Variants in RIC1 observed in about 807,000 individuals in gnomAD.
RIC1 encodes the protein RIC1 partner of RAB6A GEF complex.
A neutral mutation model predicts 169.0 loss-of-function variants in RIC1; 88 were observed. That is an observed-to-expected ratio of 0.52 (90% confidence interval 0.44 to 0.62). RIC1 has a LOEUF of 0.62. RIC1 is among the 20% of genes least tolerant of loss of function. The pLI, the probability that RIC1 is intolerant of heterozygous loss-of-function variation, is 0.00. For synonymous variants in RIC1, 790 were observed against 601.5 expected (o/e 1.31, Z -4.59); for missense variants, 1,877 against 1,725.5 (o/e 1.09, Z -1.56).
chr9:5,638,485 C>T (rs1368511542), intron 1 of RIC1, among the ~76,000 whole-genome samples: 2 of 152,130 alleles, frequency 1.3e-5, no homozygotes, highest in Non-Finnish European at 2.9e-5. Flanking sequence ...CTTTTCTTTA[C>T]TGGGAGACTT....
chr9:5,629,471 C>T lies in RIC1; in HGVS notation c.144+18C>T. 1 of 1,523,992 alleles carries T rather than the reference C, an allele frequency of 6.6e-7. No individual in the cohort carries two copies. Among genetic ancestry groups the T allele is most frequent in the South Asian group, 1.2e-5 (1 of 82,554 alleles). The allele number at this position is 1,523,992 out of a possible 1,614,324, so 94.4% of individuals were successfully genotyped here. A position where few individuals can be genotyped will look rare whatever the true frequency, so the allele number is the denominator to read the frequency against. ...ACAGCCGAGTAAGTAGAGCCGCCCGCCGCCTTTCGCCGCTGCCTCCCCGGC... is the reference window on the plus strand; with the variant it reads ...ACAGCCGAGTAAGTAGAGCCGCCCGTCGCCTTTCGCCGCTGCCTCCCCGGC... On this transcript the variant is annotated intron_variant, in intron 1 of 25. Coordinates refer to ENST00000414202, the MANE Select transcript of RIC1 (RefSeq NM_020829.4).
intron 6 of RIC1, among the ~76,000 whole-genome samples, chr9:5,728,523 C>T (rs1372211438): frequency 1.3e-5 from 2 of 152,218 alleles, no homozygotes; most frequent in Non-Finnish European, 2.9e-5. Context: ...TCCTTGGGCT[C>T]ACACTCCATG....
rs751069073 is a variant in RIC1 at position 5,753,204 on chromosome 9, C to T, written c.1457C>T (p.Ser486Phe). Residue 486 changes from serine to phenylalanine, a missense_variant, in exon 13 of 26, where the codon TCC becomes TTC. Physicochemically the swap from Ser to Phe is radical, Grantham distance 155 (BLOSUM62 -2). Coordinates refer to ENST00000414202, the MANE Select transcript of RIC1 (RefSeq NM_020829.4). Reference sequence around the variant, plus strand: ...CTGATGTGTTATTTTCTATAGATTTCCAGCACCTATCTAGAGAGCAATTGG... The same window carrying T: ...CTGATGTGTTATTTTCTATAGATTTTCAGCACCTATCTAGAGAGCAATTGG... The part of the protein sequence containing the change: ...GHRHWHVVQI[S>F]STYLESNWPI... 24 of 1,612,624 alleles carry T rather than the reference C, an allele frequency of 1.5e-5. 1 individual carries two copies. The highest frequency in any genetic ancestry group is 1.2e-4 in the Admixed American group (7 of 60,022).
chr9:5,725,431 A>C (rs933166614), intron 6 of RIC1, among the ~76,000 whole-genome samples: 15 of 152,086 alleles, frequency 9.9e-5, no homozygotes, highest in Admixed American at 3.9e-4. Flanking sequence ...TATTGCGTCT[A>C]CTTGATTCTT....
At chr9:5,769,898 T>G (rs1827081124) in intron 22 of RIC1, among the ~76,000 whole-genome samples, 189 bp from the exon 23 acceptor site, 1 of 152,188 alleles carries the variant, frequency 6.6e-6, no homozygotes, top group Non-Finnish European at 1.5e-5. Flanking sequence ...GGTATTGTGG[T>G]CAGTCCATTG....
At chr9:5,649,541 G>T (rs1430677400) in intron 1 of RIC1, among the ~76,000 whole-genome samples, 1 of 151,854 alleles carries the variant, frequency 6.6e-6, no homozygotes, top group Non-Finnish European at 1.5e-5. Context: ...CCTTTTTTAT[G>T]ATATCTATCT....
intron 1 of RIC1, among the ~76,000 whole-genome samples, chr9:5,631,819 A>C (rs1368075913): frequency 6.6e-6 from 1 of 151,744 alleles, no homozygotes; most frequent in African/African-American, 2.4e-5. Context: ...GCCCTTTCTT[A>C]CTCTGTATGA....
chr9:5,693,492 T>G (rs1484980929), intron 3 of RIC1, among the ~76,000 whole-genome samples: 2 of 152,146 alleles, frequency 1.3e-5, no homozygotes, highest in African/African-American at 4.8e-5. Context: ...ATTTATTCTT[T>G]GGTGAATGAA....
chr9:5,753,280 A>G, intron 13 of RIC1, 42 bp downstream of exon 13: 1 of 1,580,564 alleles, frequency 6.3e-7, no homozygotes, highest in South Asian at 1.1e-5. Flanking sequence ...GTTGACTAGC[A>G]TTTGCTGCAA....
intron 2 of RIC1, among the ~76,000 whole-genome samples, chr9:5,667,147 T>A (rs10815263): frequency 0.33 from 49,975 of 151,438 alleles, 8,703 homozygotes; most frequent in East Asian, 0.58. Flanking sequence ...GGACATAGCA[T>A]AATGCCATCG....
intron 1 of RIC1, among the ~76,000 whole-genome samples, chr9:5,650,547 C>A (rs1818748110): frequency 6.6e-6 from 1 of 151,966 alleles, no homozygotes; most frequent in Non-Finnish European, 1.5e-5. Flanking sequence ...AGCCTCACAC[C>A]AGAGGCTGGG....
chr9:5,710,875 T>C (rs1417590930), intron 3 of RIC1, among the ~76,000 whole-genome samples: 2 of 152,036 alleles, frequency 1.3e-5, no homozygotes, highest in Non-Finnish European at 2.9e-5. Context: ...TCCCTGGATA[T>C]AGAATAAAAG....
intron 6 of RIC1, among the ~76,000 whole-genome samples, chr9:5,721,797 A>T (rs1439786389): frequency 6.6e-6 from 1 of 151,752 alleles, no homozygotes; most frequent in Non-Finnish European, 1.5e-5. Flanking sequence ...TTGTGTACTT[A>T]TCTCTTACTC....
At chr9:5,679,028 A>G (rs201302815) in intron 2 of RIC1, among the ~76,000 whole-genome samples, 20 of 151,724 alleles carry the variant, frequency 1.3e-4, no homozygotes, top group African/African-American at 3.6e-4. Flanking sequence ...TGTATAAGGT[A>G]TAAGGAAGGG....
At chr9:5,770,778 C>T (rs1563726732) in intron 23 of RIC1, among the ~76,000 whole-genome samples, 1 of 152,016 alleles carries the variant, frequency 6.6e-6, no homozygotes, top group Non-Finnish European at 1.5e-5. Context: ...TTGATTTTGC[C>T]TCTTGGCCTT....
intron 2 of RIC1, among the ~76,000 whole-genome samples, chr9:5,680,784 C>G (rs1452060556): frequency 3.9e-5 from 5 of 129,212 alleles, no homozygotes; most frequent in African/African-American, 1.1e-4. Flanking sequence ...TTTTGTTGAT[C>G]TTTCCAGAAC....
rs1195266835 is a variant in RIC1, at chr9:5,743,025, A to G, written c.1046+12A>G. On this transcript the variant is annotated intron_variant, in intron 9 of 25. Coordinates refer to ENST00000414202, the MANE Select transcript of RIC1 (RefSeq NM_020829.4). ...GGAGGAGATTTTGCGTAAGTCAAAA[A>G]AGACAATTTTTAGATAAAATAACTC... 1.9e-6 allele frequency: 3 copies of G among 1,598,894 alleles called. No individual in the cohort carries two copies. The highest frequency in any genetic ancestry group is 1.4e-5 in the African/African-American group (1 of 73,916).
intron 3 of RIC1, among the ~76,000 whole-genome samples, chr9:5,711,598 T>C (rs865965477): frequency 4.6e-5 from 7 of 151,718 alleles, no homozygotes; most frequent in African/African-American, 9.6e-5. Context: ...TATTATACTT[T>C]AAGTTCTAGG....
chr9:5,681,807 C>A (rs1213015261), intron 2 of RIC1, among the ~76,000 whole-genome samples: 2 of 152,120 alleles, frequency 1.3e-5, no homozygotes, highest in African/African-American at 4.8e-5. Context: ...CAAGGACTTG[C>A]TTTATGAATC....
Sources: gnomAD v4.1 joint callset for allele counts (sites outside exome capture counted in the v4.1 genomes callset) on GRCh38, gnomAD v4.1.1 for gene constraint, MANE v1.5 for transcripts, NCBI Gene and HGNC (gene_info 2026-07-23, HGNC 2026-07-21) for gene names.